PDE4D: variants seen among roughly 807,000 people sequenced by gnomAD.
PDE4D encodes the protein phosphodiesterase 4D.
PDE4D carries 24 observed loss-of-function variants against 87.4 expected under a neutral mutation model. That is an observed-to-expected ratio of 0.27 (90% CI 0.20 to 0.39). PDE4D has a LOEUF of 0.39. Among genes scored for constraint, PDE4D ranks in the 10% least tolerant of loss-of-function variants. The pLI, the probability that PDE4D is intolerant of heterozygous loss-of-function variation, is 1.00. For synonymous variants in PDE4D, 384 were observed against 383.2 expected (o/e 1.00, Z -0.02); for missense variants, 714 against 1,041.0 (o/e 0.69, Z 4.32).
chr5:60,450,371 A>T (rs966533496), intron 1 of PDE4D, among the ~76,000 whole-genome samples: 1 of 152,078 alleles, frequency 6.6e-6, no homozygotes, highest in Non-Finnish European at 1.5e-5. Flanking sequence ...TTCTAACCCC[A>T]TGTTAATCAC....
chr5:60,307,011 T>G (rs1306454667), intron 1 of PDE4D, among the ~76,000 whole-genome samples: 1 of 152,134 alleles, frequency 6.6e-6, no homozygotes, highest in African/African-American at 2.4e-5. Context: ...CCATTAAAAG[T>G]AATGTAATAG....
At chr5:59,489,455 AT>A (rs1805789627) in intron 1 of PDE4D, among the ~76,000 whole-genome samples, 1 of 152,184 alleles carries the variant, frequency 6.6e-6, no homozygotes, top group African/African-American at 2.4e-5. Context: ...ATTTAAGGTG[AT>A]AAATGGAATT....
chr5:59,820,446 G>A (rs143580353), intron 1 of PDE4D, among the ~76,000 whole-genome samples: 1 of 152,214 alleles, frequency 6.6e-6, no homozygotes, highest in East Asian at 1.9e-4. Context: ...TTGAAGTTTA[G>A]AGGAAGAAAA....
At chr5:59,253,970 TA>T (rs1467480777) in intron 1 of PDE4D, among the ~76,000 whole-genome samples, 2 of 152,134 alleles carry the variant, frequency 1.3e-5, no homozygotes, top group African/African-American at 2.4e-5. Flanking sequence ...CAAACTAATT[TA>T]ACCAAAGGCA....
intron 1 of PDE4D, among the ~76,000 whole-genome samples, chr5:60,333,500 C>T (rs1185898318): frequency 1.3e-5 from 2 of 152,160 alleles, no homozygotes; most frequent in African/African-American, 4.8e-5. Flanking sequence ...CCTTGTCACC[C>T]TAACATAAGG....
intron 1 of PDE4D, among the ~76,000 whole-genome samples, chr5:59,332,132 C>A (rs562747263): frequency 5.3e-5 from 8 of 152,268 alleles, no homozygotes; most frequent in Non-Finnish European, 1.2e-4. Context: ...ATTTCAGAGG[C>A]AATATGATGA....
At chr5:59,252,827 A>G (rs1325025153) in intron 1 of PDE4D, among the ~76,000 whole-genome samples, 1 of 152,156 alleles carries the variant, frequency 6.6e-6, no homozygotes, top group Non-Finnish European at 1.5e-5. Context: ...GCACCCACCC[A>G]GCCATCATCT....
intron 1 of PDE4D, among the ~76,000 whole-genome samples, chr5:59,228,202 T>C (rs1282808236): frequency 6.6e-6 from 1 of 151,888 alleles, no homozygotes; most frequent in East Asian, 1.9e-4. Flanking sequence ...AACCAAATAA[T>C]GAGAACACAC....
At chr5:59,635,991 G>A (rs552586438) in intron 1 of PDE4D, among the ~76,000 whole-genome samples, 11 of 152,260 alleles carry the variant, frequency 7.2e-5, no homozygotes, top group Non-Finnish European at 7.3e-5. Flanking sequence ...AAACCCCATC[G>A]TCTCAGCCCA....
intron 3 of PDE4D, among the ~76,000 whole-genome samples, chr5:59,191,759 C>T (rs1744372477): frequency 1.3e-5 from 2 of 152,036 alleles, no homozygotes; most frequent in Admixed American, 1.3e-4. Context: ...TTAGTAGAGA[C>T]AGGGTTTCAT....
intron 1 of PDE4D, among the ~76,000 whole-genome samples, chr5:59,469,016 G>A (rs1480531745): frequency 6.6e-6 from 1 of 152,062 alleles, no homozygotes; most frequent in Non-Finnish European, 1.5e-5. Flanking sequence ...CATTTTTGCG[G>A]TACTAACATA....
At chr5:59,643,444 G>A (rs1243959063) in intron 1 of PDE4D, among the ~76,000 whole-genome samples, 3 of 152,306 alleles carry the variant, frequency 2.0e-5, no homozygotes, top group Non-Finnish European at 2.9e-5. Context: ...ACAAAGACAC[G>A]AGGAAACTTT....
chr5:59,104,890 A>T (rs771197455), intron 5 of PDE4D, among the ~76,000 whole-genome samples: 1 of 152,234 alleles, frequency 6.6e-6, no homozygotes, highest in African/African-American at 2.4e-5. Context: ...ATAAGGAATC[A>T]GCCAACAGGA....
intron 1 of PDE4D, among the ~76,000 whole-genome samples, chr5:59,634,762 T>A (rs1244001094): frequency 2.2e-4 from 34 of 152,132 alleles, no homozygotes; most frequent in Admixed American, 2.2e-3. Flanking sequence ...TTTATAGCAC[T>A]AAATGCACAC....
chr5:60,501,932 T>C (rs1222840855), intron 1 of PDE4D, among the ~76,000 whole-genome samples: 3 of 152,188 alleles, frequency 2.0e-5, no homozygotes, highest in African/African-American at 4.8e-5. Flanking sequence ...ATTGTGAAAA[T>C]TTTCTCCCAT....
intron 1 of PDE4D, among the ~76,000 whole-genome samples, chr5:59,364,260 T>A (rs1460073185): frequency 1.3e-5 from 2 of 152,224 alleles, no homozygotes; most frequent in African/African-American, 2.4e-5. Flanking sequence ...CCACTAATTT[T>A]ATTTCTACTG....
chr5:60,132,568 T>C (rs1779675857), intron 2 of PDE4D, among the ~76,000 whole-genome samples: 1 of 152,164 alleles, frequency 6.6e-6, no homozygotes, highest in Non-Finnish European at 1.5e-5. Context: ...AACCAGACAA[T>C]CATACTCAGT....
At chr5:59,347,307 A>T (rs558726670) in intron 1 of PDE4D, among the ~76,000 whole-genome samples, 3 of 152,296 alleles carry the variant, frequency 2.0e-5, no homozygotes, top group Admixed American at 6.5e-5. Context: ...TGGGTAATCC[A>T]CAAATCAATT....
intron 1 of PDE4D, among the ~76,000 whole-genome samples, chr5:60,447,773 G>A (rs1008602739): frequency 4.6e-5 from 7 of 152,134 alleles, no homozygotes; most frequent in African/African-American, 1.7e-4. Flanking sequence ...GACTTGACAA[G>A]GACACCAAGC....
Sources: gnomAD v4.1 joint callset for allele counts (sites outside exome capture counted in the v4.1 genomes callset) on GRCh38, gnomAD v4.1.1 for gene constraint, MANE v1.5 for transcripts, NCBI Gene and HGNC (gene_info 2026-07-23, HGNC 2026-07-21) for gene names.